The following TMEM94 variants were observed in gnomAD, a reference collection of about 807,000 sequenced individuals.
TMEM94 encodes the protein transmembrane protein 94, also known as ER Mg2+ ATPase.
In TMEM94, 81 loss-of-function variants were observed where a neutral mutation model predicts 158.6. That is an observed-to-expected ratio of 0.51 (90% CI 0.43 to 0.61). The LOEUF (loss-of-function observed/expected upper bound fraction) is 0.61. Among genes scored for constraint, TMEM94 ranks in the 20% least tolerant of loss-of-function variants. TMEM94 has a pLI of 0.00. For missense variants in TMEM94, 1,435 were observed against 1,762.0 expected, an observed-to-expected ratio of 0.81 and a Z score of 3.32; for synonymous variants, 751 against 730.7, an observed-to-expected ratio of 1.03 and a Z score of -0.45.
chr17:75,478,871 C>T (rs2050930351), intron 2 of TMEM94, among the ~76,000 whole-genome samples: 1 of 152,210 alleles, frequency 6.6e-6, no homozygotes, highest in Non-Finnish European at 1.5e-5. Context: ...AATCTCATGT[C>T]ACCCTTGGGT....
chr17:75,462,106 G>T (rs1186239203), intron 1 of TMEM94, among the ~76,000 whole-genome samples: 2 of 145,938 alleles, frequency 1.4e-5, no homozygotes, highest in Non-Finnish European at 3.0e-5. Context: ...TGCCTCCTGG[G>T]TTCAAGTGAT....
In TMEM94 at chr17:75,498,170, C is replaced by G. The variant is rs376199236; in HGVS notation, c.3490-5C>G. On this transcript the variant is annotated splice_polypyrimidine_tract_variant and splice_region_variant and intron_variant, in intron 27 of 31. Coordinates refer to ENST00000314256, the MANE Select transcript of TMEM94 (RefSeq NM_014738.6). This position sits in a 1 kb window ranked among gnomAD's most constrained non-coding sequence, Gnocchi z 6.7. ...CCCCAGGAGTGACTGGCCTTGTTCC[C>G]GCAGACCCAGCACTACTTCCTGCTC... 5.0e-6 allele frequency: 8 copies of G among 1,613,658 alleles called. No individual in the cohort carries two copies. The highest frequency in any genetic ancestry group is 1.7e-5 in the Admixed American group (1 of 59,994).
At position 75,491,059 on chromosome 17, in the gene TMEM94, G is replaced by T; in HGVS notation, c.1139G>T (p.Arg380Leu). Reference sequence around the variant, plus strand: ...CCTCTCTCCCACCAGGAAATGCTGCGCTGCATTTGGGGCCACTTCCTGAGG... The same window carrying T: ...CCTCTCTCCCACCAGGAAATGCTGCTCTGCATTTGGGGCCACTTCCTGAGG... ...TEAVSSQEMLRCIWGHFLRVL... is the reference protein window; with the variant it reads ...TEAVSSQEMLLCIWGHFLRVL... The change falls in exon 12 of 32, where the codon CGC (arginine) becomes CTC (leucine). Residue 380 changes from arginine to leucine, a missense_variant. Around this residue, in one of 3 missense-constraint regions of TMEM94, gnomAD observed 1,051 missense variants for 1,254.4 expected, o/e 0.84. Coordinates refer to ENST00000314256, the MANE Select transcript of TMEM94 (RefSeq NM_014738.6). The surrounding 1 kb of genome is among the most constrained non-coding windows in gnomAD (Gnocchi z 5.1). 1 of 1,610,278 alleles carries T rather than the reference G, an allele frequency of 6.2e-7. No homozygotes were observed. Among genetic ancestry groups the T allele is most frequent in the Non-Finnish European group, 8.5e-7 (1 of 1,178,034 alleles).
At position 75,495,960 on chromosome 17, in the gene TMEM94, C is replaced by A; in HGVS notation, c.2945-6C>A. 6.2e-7 allele frequency: 1 copy of A among 1,608,216 alleles called. No homozygotes were observed. The highest frequency in any genetic ancestry group is 1.1e-5 in the South Asian group (1 of 90,764). ...TGACTCTGGTGCCCTTATACGCTGT[C>A]CTCAGCCATGTGTGAGATGATAAAG... On this transcript the variant is annotated splice_region_variant and splice_polypyrimidine_tract_variant and intron_variant, in intron 22 of 31. Transcript: ENST00000314256. The surrounding 1 kb of genome is among the most constrained non-coding windows in gnomAD (Gnocchi z 5.6).
intron 2 of TMEM94, among the ~76,000 whole-genome samples, chr17:75,483,900 G>A (rs573991776): frequency 6.6e-6 from 1 of 152,308 alleles, no homozygotes; most frequent in African/African-American, 2.4e-5. Context: ...AGGTGACTCT[G>A]TGACTGTGGA....
intron 2 of TMEM94, among the ~76,000 whole-genome samples, chr17:75,481,674 G>T (rs1457288019): frequency 6.6e-6 from 1 of 152,250 alleles, no homozygotes; most frequent in Non-Finnish European, 1.5e-5. Context: ...AGAACTGTGG[G>T]CCGCATAGAG....
Position 75,487,822 on chromosome 17 carries a change from C to A in TMEM94, c.410-110C>A, listed in dbSNP as rs1290700765. On this transcript the variant is annotated intron_variant, in intron 5 of 31. Transcript: ENST00000314256. The surrounding 1 kb of genome is among the most constrained non-coding windows in gnomAD (Gnocchi z 4.6). Reference sequence around the variant, plus strand: ...AACGAGTGGAGGGGTTTGACGCAGACCTCCTGGGAGAGGAAGTGGGCAGAC... The same window carrying A: ...AACGAGTGGAGGGGTTTGACGCAGAACTCCTGGGAGAGGAAGTGGGCAGAC... 14 of 879,222 alleles carry A rather than the reference C, an allele frequency of 1.6e-5. No homozygotes were observed. Among genetic ancestry groups the A allele is most frequent in the Non-Finnish European group, 2.4e-5 (13 of 545,872 alleles). 54.5% of individuals were successfully genotyped at this position (879,222 alleles called of 1,614,324 possible). A position where few individuals can be genotyped will look rare whatever the true frequency, so the allele number is the denominator to read the frequency against.
Position 75,498,804 on chromosome 17 carries a change from C to T in TMEM94, c.3827+82C>T, listed in dbSNP as rs759011336. Reference sequence around the variant, plus strand: ...CAGGGCTAGGATCGGAGGGCGGGACCGGGGCCAGTGGTTTAACTGTACCCT... The same window carrying T: ...CAGGGCTAGGATCGGAGGGCGGGACTGGGGCCAGTGGTTTAACTGTACCCT... On this transcript the variant is annotated intron_variant, in intron 30 of 31. Coordinates refer to ENST00000314256, the MANE Select transcript of TMEM94 (RefSeq NM_014738.6). The surrounding 1 kb of genome is among the most constrained non-coding windows in gnomAD (Gnocchi z 6.7). The T allele has an allele frequency of 5.2e-5, 80 of 1,524,034 alleles. 1 individual carries two copies. In the Middle Eastern group the frequency reaches 7.1e-4, roughly 14 times the overall value. The allele number at this position is 1,524,034 out of a possible 1,614,324, so 94.4% of individuals were successfully genotyped here.
At chr17:75,463,410 A>G (rs564506332) in intron 1 of TMEM94, among the ~76,000 whole-genome samples, 24 of 151,724 alleles carry the variant, frequency 1.6e-4, no homozygotes, top group African/African-American at 5.3e-4. Context: ...CTCACGTCTT[A>G]GTTTCTCCAA....
chr17:75,484,241 T>C (rs1237185063), intron 2 of TMEM94, among the ~76,000 whole-genome samples: 2 of 152,172 alleles, frequency 1.3e-5, no homozygotes, highest in South Asian at 2.1e-4. Context: ...CTCTCTTTCA[T>C]GAAATGGTAG....
At position 75,495,898 on chromosome 17, in the gene TMEM94, G is replaced by GAGCT; in HGVS notation, c.2945-68_2945-67insAGCT. On this transcript the variant is annotated intron_variant, in intron 22 of 31. Coordinates refer to ENST00000314256, the MANE Select transcript of TMEM94 (RefSeq NM_014738.6). The surrounding 1 kb of genome is among the most constrained non-coding windows in gnomAD (Gnocchi z 5.6). Reference sequence around the variant, plus strand: ...TCGCCTCCTGCTCTCCTGTCCCATGGGTCTCTGCCCAGTGCCCACTTGGTG... The same window carrying GAGCT: ...TCGCCTCCTGCTCTCCTGTCCCATGGAGCTGTCTCTGCCCAGTGCCCACTTGGTG... The GAGCT allele has an allele frequency of 8.6e-7, 1 of 1,161,826 alleles. No individual in the cohort carries two copies. The highest frequency in any genetic ancestry group is 1.3e-6 in the Non-Finnish European group (1 of 783,768). 72.0% of individuals were successfully genotyped at this position (1,161,826 alleles called of 1,614,324 possible).
chr17:75,495,284 T>C lies in TMEM94; in HGVS notation c.2729T>C (p.Val910Ala), dbSNP rs1288644654. The C allele has an allele frequency of 6.3e-7, 1 of 1,598,616 alleles. No homozygotes were observed. The highest frequency in any genetic ancestry group is 8.5e-7 in the Non-Finnish European group (1 of 1,170,122). Residue 910 changes from valine (V) to alanine (A), a missense_variant and splice_region_variant, in exon 21 of 32, where the codon GTG (valine) becomes GCG (alanine). Physicochemically the swap from Val to Ala is moderately conservative, Grantham distance 64 (BLOSUM62 0). Transcript: ENST00000314256. This position sits in a 1 kb window ranked among gnomAD's most constrained non-coding sequence, Gnocchi z 5.6. ...AGSLHDDLNQ[V>A]SRDDAEGLLL... ...GAGGGAGAGGCTTTTGTCCCCACAG[T>C]GTCCCGAGATGATGCAGAAGGGCTC...
chr17:75,477,698 G>A (rs185921543), intron 2 of TMEM94, among the ~76,000 whole-genome samples: 4 of 152,222 alleles, frequency 2.6e-5, no homozygotes, highest in East Asian at 3.9e-4. Flanking sequence ...TGCCCAGAAC[G>A]TCGTGCAGGA....
At chr17:75,488,592 T>C (rs12453793) in intron 6 of TMEM94, among the ~76,000 whole-genome samples, 167 bp from the exon 7 acceptor site, 2 of 152,166 alleles carry the variant, frequency 1.3e-5, no homozygotes, top group Non-Finnish European at 2.9e-5. Context: ...CCCTGTGCTG[T>C]TCTTTATTCT....
At chr17:75,481,144 C>T (rs987786377) in intron 2 of TMEM94, among the ~76,000 whole-genome samples, 2 of 152,214 alleles carry the variant, frequency 1.3e-5, no homozygotes, top group Non-Finnish European at 2.9e-5. Context: ...CCCTCCATGT[C>T]AGGAGCTCCG....
intron 2 of TMEM94, 134 bp downstream of exon 2, chr17:75,472,063 C>A: frequency 1.2e-6 from 1 of 819,492 alleles, no homozygotes; most frequent in Non-Finnish European, 2.1e-6. Flanking sequence ...GGCTCTGAGT[C>A]TTGGGGGATG....
chr17:75,465,679 A>ATATATTTTTTTTT (rs1247855961), intron 1 of TMEM94, among the ~76,000 whole-genome samples: 9 of 124,848 alleles, frequency 7.2e-5, no homozygotes, highest in African/African-American at 2.8e-4. Flanking sequence ...ATATATATAT[A>ATATATTTTTTTTT]TTTTTTTTTA....
At chr17:75,481,800 ACTC>A (rs1321212404) in intron 2 of TMEM94, among the ~76,000 whole-genome samples, 1 of 151,736 alleles carries the variant, frequency 6.6e-6, no homozygotes, top group Non-Finnish European at 1.5e-5. Flanking sequence ...CTAGGGATTC[ACTC>A]CTCTTGCTCA....
intron 2 of TMEM94, among the ~76,000 whole-genome samples, chr17:75,482,661 G>A (rs2051272480): frequency 6.6e-6 from 1 of 152,208 alleles, no homozygotes. Context: ...AAGCTGTGGT[G>A]TCTAAGATTT....
Sources: gnomAD v4.1 joint callset for allele counts (sites outside exome capture counted in the v4.1 genomes callset) on GRCh38, gnomAD v4.1.1 for gene constraint, gnomAD v4.1.1 regional missense constraint, Gnocchi (gnomAD v3.1) non-coding constraint, MANE v1.5 for transcripts, NCBI Gene and HGNC (gene_info 2026-07-23, HGNC 2026-07-21) for gene names.